ZNF777: variants seen among roughly 807,000 people sequenced by gnomAD.
ZNF777 encodes zinc finger protein 777.
Under a neutral mutation model 72.1 loss-of-function variants are expected in ZNF777, and 7 were observed. That is an observed-to-expected ratio of 0.10 (90% CI 0.06 to 0.18). ZNF777 has a LOEUF of 0.18. Ranked by LOEUF, ZNF777 falls within the 10% of genes least tolerant of loss-of-function variation. The pLI is 1.00. For synonymous variants in ZNF777, 545 were observed against 483.5 expected, an observed-to-expected ratio of 1.13 and a Z score of -1.67; for missense variants, 828 against 1,128.6, an observed-to-expected ratio of 0.73 and a Z score of 3.82.
chr7:149,455,774 A>C lies in ZNF777; in HGVS notation c.249T>G (p.Cys83Trp). ...AAGTCTCTTGCTCAGAAGCGGCAGA[A>C]CACAGGAGTGAGGGTCCCTTCTGGA... is the stretch of plus-strand genomic sequence containing the variant. ...HVLQKGPSLL[C>W]SAASEQETSL... is the part of the protein sequence containing the mutation. Residue 83 changes from cysteine (C) to tryptophan (W), a missense_variant, in exon 2 of 6, where the codon TGT becomes TGG. Around this residue, in one of 12 missense-constraint regions of ZNF777, gnomAD observed 222 missense variants for 211.2 expected, o/e 1.05. Coordinates refer to ENST00000247930, the MANE Select transcript of ZNF777 (RefSeq NM_015694.3). The surrounding 1 kb of genome is among the most constrained non-coding windows in gnomAD (Gnocchi z 4.2). The C allele has an allele frequency of 6.2e-7, 1 of 1,608,114 alleles. No homozygotes were observed. The highest frequency in any genetic ancestry group is 8.5e-7 in the Non-Finnish European group (1 of 1,176,774).
Position 149,460,211 on chromosome 7 carries a change from C to T in ZNF777, c.-16+604G>A, listed in dbSNP as rs1799921517. 6 of 571,572 alleles carry T rather than the reference C, an allele frequency of 1.0e-5. No individual in the cohort carries two copies. The South Asian group carries it at 4.5e-4, about 43-fold the overall frequency. The allele number at this position is 571,572 out of a possible 1,614,324, so 35.4% of individuals were successfully genotyped here. A position where few individuals can be genotyped will look rare whatever the true frequency, so the allele number is the denominator to read the frequency against. On this transcript the variant is annotated intron_variant, in intron 1 of 5. Transcript: ENST00000247930. This position sits in a 1 kb window ranked among gnomAD's most constrained non-coding sequence, Gnocchi z 6.1. ...CGCTACTGCCGCCGCCGCTACTGCGCGCGGCCCCACGCAGGCCCGGCCGCC... is the reference window on the plus strand; with the variant it reads ...CGCTACTGCCGCCGCCGCTACTGCGTGCGGCCCCACGCAGGCCCGGCCGCC...
At position 149,443,601 on chromosome 7, in the gene ZNF777, T is replaced by C. The variant is rs151098640; in HGVS notation, c.1088-6775A>G. ...TTTTTTTTAAAGTTATACATGCACA[T>C]AGGCTAGTGGAACATAGTTGAACAG... On this transcript the variant is annotated intron_variant, in intron 4 of 5. Transcript: ENST00000247930. 1.4e-4 allele frequency among the ~76,000 whole-genome samples: 21 copies of C among 152,350 alleles called. 1 individual carries two copies. The highest frequency in any genetic ancestry group is 5.0e-4 in the African/African-American group (21 of 41,590).
At position 149,432,165 on chromosome 7, in the gene ZNF777, A is replaced by G; in HGVS notation, c.2107T>C (p.Phe703Leu). The change falls in exon 6 of 6, where the codon TTC becomes CTC. Residue 703 changes from phenylalanine (F) to leucine (L), a missense_variant. Around this residue, in one of 12 missense-constraint regions of ZNF777, gnomAD observed 24 missense variants for 23.3 expected, o/e 1.03. Transcript: ENST00000247930. The part of the protein sequence containing the change: ...SFICSLCGKS[F>L]SRPSHLLRHQ... ...CGCAGCAGGTGCGAGGGGCGGCTGA[A>G]GCTCTTGCCGCACAGGCTGCAGATG... 1 of 1,603,954 alleles carries G rather than the reference A, an allele frequency of 6.2e-7. No homozygotes were observed. Among genetic ancestry groups the G allele is most frequent in the Non-Finnish European group, 8.5e-7 (1 of 1,179,728 alleles).
chr7:149,433,650 T>C (rs539774019), intron 5 of ZNF777, among the ~76,000 whole-genome samples: 1 of 152,286 alleles, frequency 6.6e-6, no homozygotes, highest in East Asian at 1.9e-4. Flanking sequence ...TACTCACTGG[T>C]GCCCACCCCA....
intron 3 of ZNF777, among the ~76,000 whole-genome samples, chr7:149,451,651 A>G (rs540483246): frequency 1.3e-5 from 2 of 152,182 alleles, no homozygotes; most frequent in South Asian, 2.1e-4. Flanking sequence ...AAGATCACAC[A>G]CTGCACTCCA....
intron 5 of ZNF777, among the ~76,000 whole-genome samples, chr7:149,435,362 G>A (rs1341445035): frequency 3.3e-5 from 5 of 151,950 alleles, no homozygotes; most frequent in African/African-American, 1.2e-4. Flanking sequence ...GTAGAGATGG[G>A]GTCTTCCTAT....
At position 149,455,593 on chromosome 7, in the gene ZNF777, G is replaced by A. The variant is rs1198627766; in HGVS notation, c.430C>T (p.Pro144Ser). ...TCCATGTCAGTCTCGGGAACTGTTG[G>A]GGAAAGGGTCAGGGGGTCTTTCTCA... Reference protein sequence around the residue: ...APEKDPLTLSPTVPETDMDPL... With the variant: ...APEKDPLTLSSTVPETDMDPL... The change falls in exon 2 of 6, where the codon CCA (proline) becomes TCA (serine). Residue 144 changes from proline (P) to serine (S), a missense_variant. This residue lies in a region of ZNF777 where 222 missense variants were observed against 211.2 expected (regional missense o/e 1.05). Transcript: ENST00000247930. The surrounding 1 kb of genome is among the most constrained non-coding windows in gnomAD (Gnocchi z 4.2). 6.2e-7 allele frequency: 1 copy of A among 1,613,132 alleles called. No individual in the cohort carries two copies. The highest frequency in any genetic ancestry group is 8.5e-7 in the Non-Finnish European group (1 of 1,179,730).
At chr7:149,450,610 T>C (rs1477870144) in intron 4 of ZNF777, among the ~76,000 whole-genome samples, 1 of 152,276 alleles carries the variant, frequency 6.6e-6, no homozygotes, top group South Asian at 2.1e-4. Context: ...GTAAACTCCA[T>C]GCCTGCCCCT....
intron 4 of ZNF777, among the ~76,000 whole-genome samples, chr7:149,448,568 TATAC>T (rs1333973307): frequency 5.7e-5 from 5 of 87,350 alleles, no homozygotes; most frequent in African/African-American, 3.0e-4. Context: ...GTTATATAGT[TATAC>T]ATATAACTAT....
Position 149,455,167 on chromosome 7 carries a change from A to G in ZNF777, c.846+10T>C. 6.2e-7 allele frequency: 1 copy of G among 1,604,628 alleles called. No individual in the cohort carries two copies. The highest frequency in any genetic ancestry group is 1.7e-4 in the Middle Eastern group (1 of 5,988). ...ACTTCCTTGGGAAGCCCCAGTTGGG[A>G]TGTGCTTACCTTGGGAACTTCTCCA... On this transcript the variant is annotated intron_variant, in intron 2 of 5. Transcript: ENST00000247930. This position sits in a 1 kb window ranked among gnomAD's most constrained non-coding sequence, Gnocchi z 4.2.
Position 149,460,833 on chromosome 7 carries a change from C to G in ZNF777, c.-34G>C, listed in dbSNP as rs550434434. 6.6e-6 allele frequency: 1 copy of G among 152,346 alleles called. No homozygotes were observed. Among genetic ancestry groups the G allele is most frequent in the East Asian group, 2.0e-4 (1 of 5,118 alleles). The allele number at this position is 152,346 out of a possible 1,614,324, so 9.4% of individuals were successfully genotyped here. The stretch of plus-strand genomic sequence containing the variant: ...CTCTCACCTGGGGTCCTCGCCTGCC[C>G]AGGCACCCTCGGGCGAGGCCGGGAG... On this transcript the variant is annotated 5_prime_UTR_variant, in exon 1 of 6. Coordinates refer to ENST00000247930, the MANE Select transcript of ZNF777 (RefSeq NM_015694.3). The surrounding 1 kb of genome is among the most constrained non-coding windows in gnomAD (Gnocchi z 6.1).
At position 149,460,852 on chromosome 7, in the gene ZNF777, C is replaced by A. The variant is rs1379138749; in HGVS notation, c.-53G>T. 2 of 152,166 alleles carry A rather than the reference C, an allele frequency of 1.3e-5. No homozygotes were observed. The highest frequency in any genetic ancestry group is 2.9e-5 in the Non-Finnish European group (2 of 68,118). The allele number at this position is 152,166 out of a possible 1,614,324, so 9.4% of individuals were successfully genotyped here. Reference sequence around the variant, plus strand: ...CCTGCCCAGGCACCCTCGGGCGAGGCCGGGAGGCGCGCGGGCGGAGGCGCA... The same window carrying A: ...CCTGCCCAGGCACCCTCGGGCGAGGACGGGAGGCGCGCGGGCGGAGGCGCA... On this transcript the variant is annotated 5_prime_UTR_variant, in exon 1 of 6. Coordinates refer to ENST00000247930, the MANE Select transcript of ZNF777 (RefSeq NM_015694.3). The surrounding 1 kb of genome is among the most constrained non-coding windows in gnomAD (Gnocchi z 6.1).
At position 149,431,416 on chromosome 7, in the gene ZNF777, T is replaced by G. The variant is rs1232557453; in HGVS notation, c.*360A>C. On this transcript the variant is annotated 3_prime_UTR_variant, in exon 6 of 6. Coordinates refer to ENST00000247930, the MANE Select transcript of ZNF777 (RefSeq NM_015694.3). Reference sequence around the variant, plus strand: ...AAATAGAACCACAGTATCCAAAAGGTAATTATAAAGTTCTATCCCCAACTA... The same window carrying G: ...AAATAGAACCACAGTATCCAAAAGGGAATTATAAAGTTCTATCCCCAACTA... 1 of 417,346 alleles carries G rather than the reference T, an allele frequency of 2.4e-6. No homozygotes were observed. The highest frequency in any genetic ancestry group is 4.7e-6 in the Non-Finnish European group (1 of 213,504). 25.9% of individuals were successfully genotyped at this position (417,346 alleles called of 1,614,324 possible). A position where few individuals can be genotyped will look rare whatever the true frequency, so the allele number is the denominator to read the frequency against.
intron 1 of ZNF777, chr7:149,459,777 G>T (rs1268375923): frequency 5.1e-6 from 5 of 984,914 alleles, no homozygotes; most frequent in Non-Finnish European, 6.0e-6. Flanking sequence ...AGGCTCCGCG[G>T]GGCCGAGCTC....
chr7:149,444,482 T>A (rs6979883), intron 4 of ZNF777, among the ~76,000 whole-genome samples: 5 of 151,998 alleles, frequency 3.3e-5, no homozygotes, highest in African/African-American at 1.2e-4. Flanking sequence ...CTGGGCCGTG[T>A]GCCTGGAGTG....
chr7:149,450,237 A>G (rs1169629777), intron 4 of ZNF777, among the ~76,000 whole-genome samples: 1 of 152,208 alleles, frequency 6.6e-6, no homozygotes, highest in Non-Finnish European at 1.5e-5. Flanking sequence ...ATGCACCACA[A>G]GAGCGCCTGC....
intron 4 of ZNF777, among the ~76,000 whole-genome samples, chr7:149,440,667 TTTTTTG>T (rs1234759288): frequency 2.2e-5 from 2 of 89,662 alleles, no homozygotes; most frequent in African/African-American, 6.3e-5. Flanking sequence ...AGCCTGTTGT[TTTTTTG>T]TTTTTTTTTT....
chr7:149,444,479 G>A (rs947449404), intron 4 of ZNF777, among the ~76,000 whole-genome samples: 1 of 152,176 alleles, frequency 6.6e-6, no homozygotes, highest in East Asian at 1.9e-4. Context: ...CCCCTGGGCC[G>A]TGTGCCTGGA....
rs770287913 is a variant in ZNF777, at chr7:149,432,403, T to G, written c.1869A>C (p.Ser623=). 16 of 1,613,246 alleles carry G rather than the reference T, an allele frequency of 9.9e-6. No individual in the cohort carries two copies. Among genetic ancestry groups the G allele is most frequent in the Non-Finnish European group, 1.4e-5 (16 of 1,179,952 alleles). ...CACCGCCGCCGCTACCAGAGCTGGG[T>G]GACTTGGGACGCGGCTTGAGCGCGT... The part of the protein sequence containing the change: ...PKHALKPRPK[S]PSSGSGGGGP... The change falls in exon 6 of 6, where the codon TCA becomes TCC. Residue 623 remains serine (S), a synonymous_variant. Transcript: ENST00000247930.
Sources: allele counts gnomAD v4.1 joint callset (sites outside exome capture counted in the v4.1 genomes callset), GRCh38; gene constraint gnomAD v4.1.1; regional missense constraint gnomAD v4.1.1; non-coding constraint Gnocchi (gnomAD v3.1); transcripts MANE v1.5; gene names NCBI Gene and HGNC (gene_info 2026-07-23, HGNC 2026-07-21).